GPC5: variants seen among roughly 807,000 people sequenced by gnomAD.
GPC5 encodes the protein glypican-5.
In GPC5, 47 loss-of-function variants were observed where a neutral mutation model predicts 53.9. That is an observed-to-expected ratio of 0.87 (90% CI 0.69 to 1.11). The LOEUF is 1.11. GPC5 is among the 50% of genes most tolerant of loss of function. The pLI, the probability that GPC5 is intolerant of heterozygous loss-of-function variation, is 0.00. For missense variants in GPC5, 748 were observed against 713.1 expected, an observed-to-expected ratio of 1.05 and a Z score of -0.56; for synonymous variants, 286 against 263.3, an observed-to-expected ratio of 1.09 and a Z score of -0.84.
intron 7 of GPC5, among the ~76,000 whole-genome samples, chr13:92,828,123 C>T (rs554491628): frequency 4.3e-4 from 65 of 152,228 alleles, no homozygotes; most frequent in African/African-American, 1.5e-3. Context: ...TGCAGCACCA[C>T]CAAACCAGAC....
chr13:91,417,463 C>T (rs1017071489), intron 1 of GPC5, among the ~76,000 whole-genome samples: 3 of 152,152 alleles, frequency 2.0e-5, no homozygotes, highest in Non-Finnish European at 2.9e-5. Flanking sequence ...TTATTCTGAA[C>T]TCTGCAGAAG....
At chr13:92,607,797 T>G (rs1884303744) in intron 7 of GPC5, among the ~76,000 whole-genome samples, 1 of 152,276 alleles carries the variant, frequency 6.6e-6, no homozygotes, top group South Asian at 2.1e-4. Flanking sequence ...ATGCACCCTT[T>G]TACCAATTAT....
intron 7 of GPC5, among the ~76,000 whole-genome samples, chr13:92,289,415 CAAT>C (rs1173222207): frequency 6.6e-6 from 1 of 151,770 alleles, no homozygotes; most frequent in African/African-American, 2.4e-5. Context: ...TTTATTTTCT[CAAT>C]AACGTGAATT....
chr13:92,563,967 A>C (rs1483278083), intron 7 of GPC5, among the ~76,000 whole-genome samples: 1 of 142,546 alleles, frequency 7.0e-6, no homozygotes, highest in Non-Finnish European at 1.5e-5. Context: ...ACGTTTCATT[A>C]TTTCCAACTA....
intron 7 of GPC5, among the ~76,000 whole-genome samples, chr13:92,291,171 C>T (rs537006554): frequency 1.3e-5 from 2 of 152,228 alleles, no homozygotes; most frequent in Admixed American, 1.3e-4. Context: ...CCCCGAGGAG[C>T]GCCACCCCCT....
chr13:92,525,135 T>C (rs1881222809), intron 7 of GPC5, among the ~76,000 whole-genome samples: 1 of 152,096 alleles, frequency 6.6e-6, no homozygotes, highest in Admixed American at 6.6e-5. Flanking sequence ...GTCTGCACAG[T>C]CTCTGTAGCC....
chr13:91,685,922 GA>G (rs2035612315), intron 2 of GPC5, among the ~76,000 whole-genome samples: 1 of 142,116 alleles, frequency 7.0e-6, no homozygotes, highest in African/African-American at 2.8e-5. Flanking sequence ...TTTTGTGTAT[GA>G]ATTAACTAAA....
intron 5 of GPC5, among the ~76,000 whole-genome samples, chr13:91,844,949 T>G (rs892627224): frequency 3.9e-5 from 6 of 152,208 alleles, no homozygotes; most frequent in African/African-American, 1.4e-4. Context: ...AGTGTAATTT[T>G]CTGGAAACCC....
At chr13:91,476,479 A>G (rs1361596150) in intron 2 of GPC5, among the ~76,000 whole-genome samples, 1 of 152,214 alleles carries the variant, frequency 6.6e-6, no homozygotes, top group African/African-American at 2.4e-5. Flanking sequence ...ATCCACATAA[A>G]TAAAGTCAAA....
intron 5 of GPC5, among the ~76,000 whole-genome samples, chr13:91,855,774 C>T (rs563175936): frequency 4.0e-5 from 6 of 151,600 alleles, no homozygotes; most frequent in Admixed American, 1.3e-4. Flanking sequence ...TTATGCTTTT[C>T]TTGATGATTC....
chr13:91,572,217 A>ATACACATATGTATATATGTGTGTATG (rs1566517664), intron 2 of GPC5, among the ~76,000 whole-genome samples: 2 of 89,414 alleles, frequency 2.2e-5, no homozygotes, highest in Non-Finnish European at 2.4e-5. Flanking sequence ...ATACGTGTAT[A>ATACACATATGTATATATGTGTGTATG]TATATACACA....
intron 7 of GPC5, among the ~76,000 whole-genome samples, chr13:92,655,339 TA>T (rs1566345356): frequency 1.4e-5 from 2 of 139,210 alleles, no homozygotes; most frequent in African/African-American, 5.0e-5. Context: ...ATTTTATTTT[TA>T]TTTTATTTTT....
At chr13:92,465,329 A>T (rs1296348680) in intron 7 of GPC5, among the ~76,000 whole-genome samples, 1 of 152,082 alleles carries the variant, frequency 6.6e-6, no homozygotes, top group Non-Finnish European at 1.5e-5. Flanking sequence ...TTGCTTTCTG[A>T]TGAGAAAATC....
intron 2 of GPC5, among the ~76,000 whole-genome samples, chr13:91,619,315 A>G (rs1001523586): frequency 6.6e-6 from 1 of 152,074 alleles, no homozygotes; most frequent in Admixed American, 6.6e-5. Context: ...TTTATTTGTT[A>G]ATTTAATTCC....
intron 7 of GPC5, among the ~76,000 whole-genome samples, chr13:92,640,816 A>T (rs1885570730): frequency 6.6e-6 from 1 of 152,188 alleles, no homozygotes; most frequent in African/African-American, 2.4e-5. Flanking sequence ...GATTGTAATG[A>T]TTAAATAAAG....
intron 6 of GPC5, among the ~76,000 whole-genome samples, chr13:92,135,226 G>GC (rs776222444): frequency 4.2e-4 from 64 of 152,006 alleles, no homozygotes; most frequent in Admixed American, 1.3e-4. Context: ...CAGGTTGTTT[G>GC]CTTTTTCACA....
At chr13:92,341,075 G>A (rs1302237376) in intron 7 of GPC5, among the ~76,000 whole-genome samples, 1 of 152,032 alleles carries the variant, frequency 6.6e-6, no homozygotes, top group Non-Finnish European at 1.5e-5. Flanking sequence ...CTGGCAACAT[G>A]ATGAAAATAA....
chr13:92,436,225 G>A (rs1365414048), intron 7 of GPC5, among the ~76,000 whole-genome samples: 2 of 152,098 alleles, frequency 1.3e-5, no homozygotes, highest in African/African-American at 4.8e-5. Context: ...TCTTCTAAGT[G>A]TGGCTAAAAC....
intron 2 of GPC5, among the ~76,000 whole-genome samples, chr13:91,640,896 G>C (rs995695370): frequency 1.3e-5 from 2 of 151,974 alleles, no homozygotes; most frequent in Non-Finnish European, 2.9e-5. Context: ...ATTAATGATA[G>C]ACTGGATACA....
Sources: allele counts gnomAD v4.1 joint callset (sites outside exome capture counted in the v4.1 genomes callset), GRCh38; gene constraint gnomAD v4.1.1; transcripts MANE v1.5; gene names NCBI Gene and HGNC (gene_info 2026-07-23, HGNC 2026-07-21).